SLC24A2: variants seen among roughly 807,000 people sequenced by gnomAD.
SLC24A2 encodes the protein sodium/potassium/calcium exchanger 2.
In SLC24A2, 36 loss-of-function variants were observed where a neutral mutation model predicts 62.0. The ratio of observed to expected loss-of-function variants is 0.58; its 90% CI spans 0.44 to 0.77. The LOEUF is 0.77. Ranked by LOEUF, SLC24A2 falls within the 30% of genes least tolerant of loss-of-function variation. SLC24A2 has a pLI of 0.00. For missense variants in SLC24A2, 846 were observed against 817.9 expected, an observed-to-expected ratio of 1.03 and a Z score of -0.42; for synonymous variants, 358 against 294.0, an observed-to-expected ratio of 1.22 and a Z score of -2.23.
At chr9:19,696,445 ACT>A (rs1284658517) in intron 2 of SLC24A2, among the ~76,000 whole-genome samples, 4 of 151,982 alleles carry the variant, frequency 2.6e-5, no homozygotes, top group Non-Finnish European at 5.9e-5. Flanking sequence ...CTCCATTTTC[ACT>A]CTGTACGCCA....
chr9:20,009,898 C>A, the SLC24A2 span, among the ~76,000 whole-genome samples: 1 of 152,284 alleles, frequency 6.6e-6, no homozygotes, highest in African/African-American at 2.4e-5. Context: ...GTGGCCCTGC[C>A]CACCTTGTGT....
chr9:20,307,641 G>A, the SLC24A2 span, among the ~76,000 whole-genome samples: 6 of 152,206 alleles, frequency 3.9e-5, no homozygotes, highest in South Asian at 1.2e-3. Context: ...GGGGTCGGCA[G>A]GAAATACTTA....
chr9:19,662,237 C>G (rs1193193565), intron 2 of SLC24A2, among the ~76,000 whole-genome samples: 2 of 152,136 alleles, frequency 1.3e-5, no homozygotes, highest in African/African-American at 4.8e-5. Context: ...AACATGTAAT[C>G]AATAGAAGAA....
At chr9:19,868,288 A>G in the SLC24A2 span, among the ~76,000 whole-genome samples, 4 of 152,036 alleles carry the variant, frequency 2.6e-5, no homozygotes, top group Non-Finnish European at 4.4e-5. Context: ...TTTATTTTCA[A>G]ATATTCTATT....
chr9:20,249,003 G>A, the SLC24A2 span, among the ~76,000 whole-genome samples: 2 of 152,306 alleles, frequency 1.3e-5, no homozygotes, highest in East Asian at 1.9e-4. Context: ...AGTGGACACA[G>A]CAGAGGCTCA....
the SLC24A2 span, among the ~76,000 whole-genome samples, chr9:19,795,593 A>AG: frequency 1.4e-4 from 21 of 152,186 alleles, no homozygotes; most frequent in East Asian, 4.0e-3. Flanking sequence ...CCAGGTACTT[A>AG]GGACCATCTT....
chr9:19,615,309 G>A (rs1817736172), intron 4 of SLC24A2, among the ~76,000 whole-genome samples: 1 of 152,312 alleles, frequency 6.6e-6, no homozygotes, highest in South Asian at 2.1e-4. Flanking sequence ...TGACATGAAC[G>A]AACTGTTCTT....
At chr9:19,628,888 A>G (rs1818102089) in intron 2 of SLC24A2, among the ~76,000 whole-genome samples, 1 of 152,202 alleles carries the variant, frequency 6.6e-6, no homozygotes, top group Non-Finnish European at 1.5e-5. Flanking sequence ...CTACATTCAA[A>G]GCTGTCCTGG....
chr9:19,619,601 A>T lies in SLC24A2; in HGVS notation c.1061T>A (p.Leu354His), dbSNP rs1362539873. 6.2e-7 allele frequency: 1 copy of T among 1,613,598 alleles called. No homozygotes were observed. The change falls in exon 4 of 11, where the codon CTT becomes CAT. Residue 354 changes from leucine to histidine, a missense_variant. Physicochemically the swap from Leu to His is moderately conservative, Grantham distance 99. Coordinates refer to ENST00000341998, the MANE Select transcript of SLC24A2 (RefSeq NM_020344.4). ...ATGTTTACCTTCGGCGAGTGGGTCAAGGGTGTGTATCATGAGTTGGAAGAT... is the reference window on the plus strand; with the variant it reads ...ATGTTTACCTTCGGCGAGTGGGTCATGGGTGTGTATCATGAGTTGGAAGAT... ...NSIFQLMIHT[L>H]DPLAEELGSY... is the part of the protein sequence containing the mutation.
the SLC24A2 span, among the ~76,000 whole-genome samples, chr9:19,968,707 C>A: frequency 6.6e-6 from 1 of 152,168 alleles, no homozygotes; most frequent in African/African-American, 2.4e-5. Flanking sequence ...GGCATCAGAA[C>A]ATTTACAGAG....
chr9:20,172,931 T>G, the SLC24A2 span, among the ~76,000 whole-genome samples: 103 of 152,128 alleles, frequency 6.8e-4, 1 homozygote, highest in South Asian at 0.02. Flanking sequence ...ACAAAAATCC[T>G]TAACAAAATA....
Position 19,786,719 on chromosome 9 carries a change from T to C in SLC24A2, c.148A>G (p.Ser50Gly). 1 of 1,609,744 alleles carries C rather than the reference T, an allele frequency of 6.2e-7. No individual in the cohort carries two copies. The highest frequency in any genetic ancestry group is 8.5e-7 in the Non-Finnish European group (1 of 1,177,398). ...GCACTGATTGAAAATGAGACAGTGC[T>C]AATGGCTACCAGACCCATGAAAAGG... ...LGLFMGLVAI[S>G]TVSFSISAFS... The change falls in exon 2 of 11, where the codon AGC becomes GGC. Residue 50 changes from serine (S) to glycine (G), a missense_variant. By Grantham distance (56) the Ser-to-Gly change is moderately conservative. Transcript: ENST00000341998. This position sits in a 1 kb window ranked among gnomAD's most constrained non-coding sequence, Gnocchi z 5.0.
intron 2 of SLC24A2, among the ~76,000 whole-genome samples, chr9:19,664,112 T>C (rs912031835): frequency 3.9e-5 from 6 of 152,372 alleles, no homozygotes; most frequent in Admixed American, 3.9e-4. Flanking sequence ...ACATCACGCA[T>C]AGATTAACAC....
chr9:20,246,680 G>A, the SLC24A2 span, among the ~76,000 whole-genome samples: 863 of 152,334 alleles, frequency 5.7e-3, 10 homozygotes, highest in African/African-American at 0.02. Flanking sequence ...TCAAGATCAT[G>A]GGAAGGAAGG....
chr9:20,253,712 A>C, the SLC24A2 span, among the ~76,000 whole-genome samples: 1 of 152,170 alleles, frequency 6.6e-6, no homozygotes, highest in Admixed American at 6.6e-5. Context: ...GCTGCACGTG[A>C]GTGATCCAGT....
the SLC24A2 span, among the ~76,000 whole-genome samples, chr9:19,832,130 C>G: frequency 4.9e-4 from 75 of 152,278 alleles, no homozygotes; most frequent in African/African-American, 1.7e-3. Context: ...GTCAGAGAGG[C>G]CAGTTTCAGA....
chr9:19,563,047 A>G (rs1378227133), intron 7 of SLC24A2, among the ~76,000 whole-genome samples: 1 of 152,174 alleles, frequency 6.6e-6, no homozygotes, highest in African/African-American at 2.4e-5. Context: ...TGGAGGCTGC[A>G]GTGAGCCATG....
rs546668369 is a variant in SLC24A2 at position 19,690,108 on chromosome 9, T to C, written c.931-67809A>G. 3.9e-4 allele frequency among the ~76,000 whole-genome samples: 59 copies of C among 152,200 alleles called. No homozygotes were observed. The South Asian group carries it at 4.1e-3, about 11-fold the overall frequency. On this transcript the variant is annotated intron_variant, in intron 2 of 10. Coordinates refer to ENST00000341998, the MANE Select transcript of SLC24A2 (RefSeq NM_020344.4). ...TCATGTGATTTCTCAGACTCCATAA[T>C]TGTGTGAGCAATAACCTAATATCTT...
At chr9:20,158,788 T>C in the SLC24A2 span, among the ~76,000 whole-genome samples, 3 of 151,476 alleles carry the variant, frequency 2.0e-5, no homozygotes, top group Admixed American at 1.3e-4. Context: ...AAAAACAAAA[T>C]TATGGAGCAG....
Sources: allele counts gnomAD v4.1 joint callset (sites outside exome capture counted in the v4.1 genomes callset), GRCh38; gene constraint gnomAD v4.1.1; non-coding constraint Gnocchi (gnomAD v3.1); transcripts MANE v1.5; gene names NCBI Gene and HGNC (gene_info 2026-07-23, HGNC 2026-07-21).